Variants in ZNF165 observed in about 807,000 individuals in gnomAD.
ZNF165 encodes the protein cancer/testis antigen 53.
A neutral mutation model predicts 19.6 loss-of-function variants in ZNF165; 14 were observed. The ratio of observed to expected loss-of-function variants is 0.71; its 90% CI spans 0.47 to 1.12. The LOEUF (loss-of-function observed/expected upper bound fraction) is 1.12, where lower values mean the gene tolerates loss of function less well. Among genes scored for constraint, ZNF165 ranks in the 50% most tolerant of loss-of-function variants. The pLI is 0.00. For missense variants in ZNF165, 504 were observed against 566.3 expected, an observed-to-expected ratio of 0.89 and a Z score of 1.12; for synonymous variants, 165 against 195.0, an observed-to-expected ratio of 0.85 and a Z score of 1.28.
rs535408871 is a variant in ZNF165, at chr6:28,088,568, G to T, written c.556G>T (p.Glu186Ter). ...CCCTTTCTTTTTTATTTTAGATAAT[G>T]AGAGTGAAAACAGTAGATCCATGCC... ...EPQLLWDCDN[E>*]SENSRSMPKL... Residue 186 changes from glutamate (E) to a stop codon, truncating the protein, a stop_gained, in exon 4 of 4, where the codon GAG becomes TAG. Transcript: ENST00000683778. LOFTEE classifies it low-confidence loss of function (END_TRUNC). 6.3e-7 allele frequency: 1 copy of T among 1,575,370 alleles called. No individual in the cohort carries two copies. Among genetic ancestry groups the T allele is most frequent in the East Asian group, 2.2e-5 (1 of 44,532 alleles).
At chr6:28,081,285 C>CA (rs1235007364) in intron 1 of ZNF165, 1 of 152,244 alleles carries the variant, frequency 6.6e-6, no homozygotes, top group Non-Finnish European at 1.5e-5. Flanking sequence ...AGGAGTTGCC[C>CA]ATTCCAGCCA....
At chr6:28,081,942 C>A (rs1764165992) in intron 1 of ZNF165, among the ~76,000 whole-genome samples, 1 of 152,306 alleles carries the variant, frequency 6.6e-6, no homozygotes, top group African/African-American at 2.4e-5. Flanking sequence ...GTCATAGAAC[C>A]AGCTGCTCAG....
rs1561799071 is a variant in ZNF165, at chr6:28,089,251, A to G, written c.1239A>G (p.Ser413=). ...KECGRAFNLN[S]HLIRHQRIHT... The stretch of plus-strand genomic sequence containing the variant: ...GTGGGAGAGCATTCAACCTGAACTC[A>G]CATCTTATCAGGCATCAGAGAATTC... Residue 413 remains serine (S), a synonymous_variant, in exon 4 of 4, where the codon TCA becomes TCG. Coordinates refer to ENST00000683778, the MANE Select transcript of ZNF165 (RefSeq NM_001376491.1). 6.2e-7 allele frequency: 1 copy of G among 1,614,078 alleles called. No individual in the cohort carries two copies. Among genetic ancestry groups the G allele is most frequent in the African/African-American group, 1.3e-5 (1 of 74,944 alleles).
Position 28,088,580 on chromosome 6 carries a change from A to G in ZNF165, c.568A>G (p.Ser190Gly), listed in dbSNP as rs756264648. 6 of 1,606,684 alleles carry G rather than the reference A, an allele frequency of 3.7e-6. No individual in the cohort carries two copies. The Admixed American group carries it at 5.1e-5, about 14-fold the overall frequency. The change falls in exon 4 of 4, where the codon AGT becomes GGT. Residue 190 changes from serine to glycine, a missense_variant. Transcript: ENST00000683778. ...TATTTTAGATAATGAGAGTGAAAAC[A>G]GTAGATCCATGCCAAAGCTGGAAAT... is the stretch of plus-strand genomic sequence containing the variant. ...LWDCDNESEN[S>G]RSMPKLEIFE...
At position 28,088,718 on chromosome 6, in the gene ZNF165, C is replaced by G. The variant is rs1187693776; in HGVS notation, c.706C>G (p.Gln236Glu). Residue 236 changes from glutamine to glutamate, a missense_variant, in exon 4 of 4, where the codon CAA becomes GAA. By Grantham distance (29) the Gln-to-Glu change is conservative. Coordinates refer to ENST00000683778, the MANE Select transcript of ZNF165 (RefSeq NM_001376491.1). ...ICKSAGRVKR[Q>E]WEKESGESQR... ...TAAGTCTGCAGGCAGGGTAAAGAGA[C>G]AATGGGAAAAAGAATCAGGGGAGTC... 1 of 1,613,918 alleles carries G rather than the reference C, an allele frequency of 6.2e-7. No individual in the cohort carries two copies.
At chr6:28,084,112 A>G (rs1166706461) in intron 1 of ZNF165, among the ~76,000 whole-genome samples, 1 of 152,152 alleles carries the variant, frequency 6.6e-6, no homozygotes, top group African/African-American at 2.4e-5. Context: ...CCAGGCATAT[A>G]CTATACTGAC....
At chr6:28,087,560 A>C (rs748604693) in intron 3 of ZNF165, among the ~76,000 whole-genome samples, 14 of 152,194 alleles carry the variant, frequency 9.2e-5, no homozygotes, top group Non-Finnish European at 1.5e-4. Flanking sequence ...AATTTTTAAT[A>C]AATTTCTACA....
chr6:28,086,111 G>A, intron 2 of ZNF165, 61 bp from the exon 3 acceptor site: 2 of 1,561,270 alleles, frequency 1.3e-6, no homozygotes, highest in Admixed American at 2.1e-5. Flanking sequence ...TCTCTTTGTT[G>A]TTAGAAGACG....
chr6:28,081,121 C>T (rs1397806203), intron 1 of ZNF165, 151 bp downstream of exon 1: 1 of 152,254 alleles, frequency 6.6e-6, no homozygotes, highest in East Asian at 1.9e-4. Context: ...CCAGCTTCGG[C>T]GTTGGGAACG....
At chr6:28,086,015 T>G in intron 2 of ZNF165, 124 bp downstream of exon 2, 1 of 1,492,066 alleles carries the variant, frequency 6.7e-7, no homozygotes. Flanking sequence ...TATGTCTCCT[T>G]TCCTGTCTGT....
At chr6:28,083,052 A>T (rs1764192070) in intron 1 of ZNF165, among the ~76,000 whole-genome samples, 1 of 152,226 alleles carries the variant, frequency 6.6e-6, no homozygotes, top group South Asian at 2.1e-4. Context: ...TCATATGTGT[A>T]TGTGTTAGGA....
chr6:28,088,625 C>T lies in ZNF165; in HGVS notation c.613C>T (p.Gln205Ter). The T allele has an allele frequency of 6.2e-7, 1 of 1,612,602 alleles. No homozygotes were observed. Among genetic ancestry groups the T allele is most frequent in the Middle Eastern group, 1.7e-4 (1 of 6,054 alleles). ...KLEIFEKIES[Q>*]RIISGRISGY... Reference sequence around the variant, plus strand: ...GGAAATTTTTGAAAAAATTGAATCACAGAGAATTATATCTGGAAGAATCTC... The same window carrying T: ...GGAAATTTTTGAAAAAATTGAATCATAGAGAATTATATCTGGAAGAATCTC... The change falls in exon 4 of 4, where the codon CAG becomes TAG. Residue 205 changes from glutamine (Q) to a stop codon, truncating the protein, a stop_gained. Coordinates refer to ENST00000683778, the MANE Select transcript of ZNF165 (RefSeq NM_001376491.1). LOFTEE classifies it low-confidence loss of function (END_TRUNC).
chr6:28,087,439 T>C (rs2113687450), intron 3 of ZNF165, among the ~76,000 whole-genome samples: 1 of 152,068 alleles, frequency 6.6e-6, no homozygotes, highest in South Asian at 2.1e-4. Context: ...AGAGACGGGG[T>C]TTCACCATGT....
At position 28,088,676 on chromosome 6, in the gene ZNF165, G is replaced by T. The variant is rs1203432321; in HGVS notation, c.664G>T (p.Glu222Ter). 5.0e-6 allele frequency: 8 copies of T among 1,614,024 alleles called. No individual in the cohort carries two copies. Among genetic ancestry groups the T allele is most frequent in the Middle Eastern group, 1.6e-4 (1 of 6,082 alleles). ...AGGATACATATCAGAAGCATCTGGT[G>T]AGTCTCAAGACATCTGTAAGTCTGC... Reference protein sequence around the residue: ...ISGYISEASGESQDICKSAGR... With the variant: ...ISGYISEASG Residue 222 changes from glutamate to a stop codon, truncating the protein, a stop_gained, in exon 4 of 4, where the codon GAG becomes TAG. Transcript: ENST00000683778. LOFTEE classifies it low-confidence loss of function (END_TRUNC).
chr6:28,087,480 G>A (rs958162003), intron 3 of ZNF165, among the ~76,000 whole-genome samples: 9 of 152,138 alleles, frequency 5.9e-5, no homozygotes, highest in Non-Finnish European at 1.2e-4. Context: ...TCCTGACTTC[G>A]TGATCCGCCC....
chr6:28,088,853 C>G lies in ZNF165; in HGVS notation c.841C>G (p.Leu281Val), dbSNP rs1281560756. The stretch of plus-strand genomic sequence containing the variant: ...CGATGGATGTGAGAGGAGATTAAAT[C>G]TGAACTCAAATGAATTCACACACCA... The part of the protein sequence containing the change: ...SHDGCERRLN[L>V]NSNEFTHQKS... The change falls in exon 4 of 4, where the codon CTG becomes GTG. Residue 281 changes from leucine to valine, a missense_variant. Leu to Val is a conservative substitution (Grantham distance 32). Transcript: ENST00000683778. 4 of 1,614,038 alleles carry G rather than the reference C, an allele frequency of 2.5e-6. No homozygotes were observed. In the African/African-American group the frequency reaches 5.3e-5, roughly 22 times the overall value.
intron 3 of ZNF165, among the ~76,000 whole-genome samples, chr6:28,087,195 A>G (rs1764294930): frequency 6.6e-6 from 1 of 152,172 alleles, no homozygotes; most frequent in African/African-American, 2.4e-5. Context: ...AATTGTCCCT[A>G]TAGTAAACCC....
Position 28,088,986 on chromosome 6 carries a change from C to A in ZNF165, c.974C>A (p.Ser325Tyr), listed in dbSNP as rs1175623968. The A allele has an allele frequency of 3.7e-6, 6 of 1,613,990 alleles. No individual in the cohort carries two copies. Among genetic ancestry groups the A allele is most frequent in the Non-Finnish European group, 4.2e-6 (5 of 1,180,006 alleles). Reference sequence around the variant, plus strand: ...GAAAAAAATCACCAATATGGAAAATCTTTCAAGAGCCCAAAACTTGCTAAA... The same window carrying A: ...GAAAAAAATCACCAATATGGAAAATATTTCAAGAGCCCAAAACTTGCTAAA... ...AGEKNHQYGK[S>Y]FKSPKLAKHA... Residue 325 changes from serine to tyrosine, a missense_variant, in exon 4 of 4, where the codon TCT (serine) becomes TAT (tyrosine). Physicochemically the swap from Ser to Tyr is moderately radical, Grantham distance 144. Transcript: ENST00000683778.
rs1561796707 is a variant in ZNF165, at chr6:28,085,499, A to C, written c.19A>C (p.Lys7Gln). MATEPK[K>Q]AAAQNSPEDE... ...TCCACAGATGGCTACAGAACCAAAG[A>C]AAGCTGCAGCCCAGAACTCTCCAGA... is the stretch of plus-strand genomic sequence containing the variant. Residue 7 changes from lysine to glutamine, a missense_variant, in exon 2 of 4, where the codon AAA becomes CAA. By Grantham distance (53) the Lys-to-Gln change is moderately conservative (BLOSUM62 1). Transcript: ENST00000683778. 3.7e-6 allele frequency: 6 copies of C among 1,611,690 alleles called. 1 individual carries two copies.
Sources: gnomAD v4.1 joint callset for allele counts (sites outside exome capture counted in the v4.1 genomes callset) on GRCh38, gnomAD v4.1.1 for gene constraint, MANE v1.5 for transcripts, NCBI Gene and HGNC (gene_info 2026-07-23, HGNC 2026-07-21) for gene names.